Variants in ABCD2 observed in about 807,000 individuals in gnomAD.
ABCD2 encodes ATP-binding cassette sub-family D member 2.
Under a neutral mutation model 70.9 loss-of-function variants are expected in ABCD2, and 36 were observed. The observed-to-expected ratio is 0.51, with a 90% CI of 0.39 to 0.67. The LOEUF (loss-of-function observed/expected upper bound fraction) is 0.67. ABCD2 is among the 30% of genes least tolerant of loss of function. ABCD2 has a pLI of 0.00. For synonymous variants in ABCD2, 304 were observed against 306.9 expected, an observed-to-expected ratio of 0.99 and a Z score of 0.10; for missense variants, 729 against 890.2, an observed-to-expected ratio of 0.82 and a Z score of 2.30.
intron 2 of ABCD2, among the ~76,000 whole-genome samples, chr12:39,611,877 A>G (rs1032669919): frequency 6.6e-6 from 1 of 152,154 alleles, no homozygotes; most frequent in African/African-American, 2.4e-5. Context: ...CATAATACAT[A>G]AAAGCTTTTA....
the ABCD2 span, among the ~76,000 whole-genome samples, chr12:39,537,711 G>A: frequency 2.0e-5 from 3 of 152,244 alleles, no homozygotes; most frequent in African/African-American, 7.2e-5. Context: ...ACAACCAAAA[G>A]TCCAGTCTTT....
rs1942157724 is a variant in ABCD2, at chr12:39,619,155, G to C, written c.461C>G (p.Ala154Gly). 1.2e-6 allele frequency: 2 copies of C among 1,614,040 alleles called. No homozygotes were observed. The highest frequency in any genetic ancestry group is 2.7e-5 in the African/African-American group (2 of 74,902). ...IIKLIKWLMI[A>G]IPATFVNSAI... is the part of the protein sequence containing the mutation. ...ACTGTTGACGAAGGTAGCAGGGATG[G>C]CAATCATAAGCCACTTGATTAATTT... The change falls in exon 1 of 10, where the codon GCC becomes GGC. Residue 154 changes from alanine (A) to glycine (G), a missense_variant. Transcript: ENST00000308666.
At position 39,604,843 on chromosome 12, in the gene ABCD2, C is replaced by A; in HGVS notation, c.1324G>T (p.Ala442Ser). 6.2e-7 allele frequency: 1 copy of A among 1,612,502 alleles called. No homozygotes were observed. The change falls in exon 4 of 10, where the codon GCT becomes TCT. Residue 442 changes from alanine to serine, a missense_variant. Coordinates refer to ENST00000308666, the MANE Select transcript of ABCD2 (RefSeq NM_005164.4). Reference protein sequence around the residue: ...EVKRGIYKRTAVIQESESHSK... With the variant: ...EVKRGIYKRTSVIQESESHSK... The stretch of plus-strand genomic sequence containing the variant: ...TGGCTTTCAGATTCTTGAATGACAG[C>A]AGTTCTCTTATAAATGCCTCTTTTT...
chr12:39,579,086 TCACGGTGGCTCACGCCTGTAATCC>T (rs1941560338), intron 8 of ABCD2, among the ~76,000 whole-genome samples: 1 of 152,134 alleles, frequency 6.6e-6, no homozygotes, highest in Non-Finnish European at 1.5e-5. Context: ...ATTTGGCCAG[TCACGGTGGCTCACGCCTGTAATCC>T]CAGCACTTTG....
the ABCD2 span, among the ~76,000 whole-genome samples, chr12:39,540,101 C>T: frequency 1.3e-5 from 2 of 152,168 alleles, no homozygotes; most frequent in East Asian, 1.9e-4. Flanking sequence ...ACCTAACAGC[C>T]GGCCATCCAG....
In ABCD2 at chr12:39,586,486, A is replaced by C. The variant is rs377607578; in HGVS notation, c.1647-189T>G. 3.3e-5 allele frequency among the ~76,000 whole-genome samples: 5 copies of C among 152,302 alleles called. No individual in the cohort carries two copies. In the South Asian group the frequency reaches 1.0e-3, roughly 32 times the overall value. On this transcript the variant is annotated intron_variant, in intron 6 of 9. Coordinates refer to ENST00000308666, the MANE Select transcript of ABCD2 (RefSeq NM_005164.4). ...ACAATACCGTTATGTTTACATAAAA[A>C]CTTACTGACACATGGACACAAGAAA...
chr12:39,616,105 C>G (rs1481627383), intron 2 of ABCD2, among the ~76,000 whole-genome samples: 1 of 152,052 alleles, frequency 6.6e-6, no homozygotes, highest in Non-Finnish European at 1.5e-5. Flanking sequence ...AGAGGGGGAA[C>G]CAAAAGTTGA....
intron 8 of ABCD2, among the ~76,000 whole-genome samples, chr12:39,575,839 C>T (rs779853307): frequency 1.3e-5 from 2 of 152,298 alleles, no homozygotes; most frequent in African/African-American, 2.4e-5. Flanking sequence ...CACTGATATA[C>T]TTGTGACTTA....
At chr12:39,605,504 T>C (rs1451104174) in intron 3 of ABCD2, among the ~76,000 whole-genome samples, 2 of 152,084 alleles carry the variant, frequency 1.3e-5, no homozygotes, top group East Asian at 3.9e-4. Context: ...CAAACATGAT[T>C]TATATGCCCA....
intron 9 of ABCD2, among the ~76,000 whole-genome samples, chr12:39,559,232 C>G (rs765054663): frequency 6.6e-6 from 1 of 151,514 alleles, no homozygotes; most frequent in African/African-American, 2.4e-5. Context: ...ATTAGCCCAG[C>G]GTGGTGGTGT....
the ABCD2 span, among the ~76,000 whole-genome samples, chr12:39,542,911 G>C: frequency 4.5e-4 from 68 of 152,258 alleles, no homozygotes; most frequent in African/African-American, 1.6e-3. Flanking sequence ...TGTACAGAGT[G>C]GAACAGTGAG....
In ABCD2 at chr12:39,586,276, A is replaced by T. The variant is rs773655555; in HGVS notation, c.1668T>A (p.Ser556Arg). The change falls in exon 7 of 10, where the codon AGT (serine) becomes AGA (arginine). Residue 556 changes from serine to arginine, a missense_variant. Ser to Arg is a moderately radical substitution (Grantham distance 110). Transcript: ENST00000308666. ...CAGGGTAAATGACTTGATCCCGAAG[A>T]CTTCCAAGAGACATATATGGCCTTT... The part of the protein sequence containing the change: ...IPQRPYMSLG[S>R]LRDQVIYPDS... The T allele has an allele frequency of 6.2e-7, 1 of 1,612,816 alleles. No homozygotes were observed. The highest frequency in any genetic ancestry group is 8.5e-7 in the Non-Finnish European group (1 of 1,179,474).
intron 6 of ABCD2, among the ~76,000 whole-genome samples, chr12:39,587,104 G>C (rs1467650971): frequency 6.6e-6 from 1 of 152,082 alleles, no homozygotes; most frequent in Non-Finnish European, 1.5e-5. Context: ...TACAAAAAAA[G>C]ATGCATGAGG....
chr12:39,560,402 G>A (rs1037026294), intron 9 of ABCD2, among the ~76,000 whole-genome samples: 6 of 152,050 alleles, frequency 3.9e-5, no homozygotes, highest in Non-Finnish European at 8.8e-5. Context: ...TCTTAATCCA[G>A]TCTATCATTG....
intron 5 of ABCD2, 77 bp from the exon 6 acceptor site, chr12:39,600,793 T>G: frequency 1.5e-6 from 2 of 1,350,254 alleles, no homozygotes; most frequent in South Asian, 1.4e-5. Context: ...GTAAATTATT[T>G]TTTTAAAATG....
intron 3 of ABCD2, 28 bp from the exon 4 acceptor site, chr12:39,604,958 G>A: frequency 6.6e-7 from 1 of 1,517,672 alleles, no homozygotes; most frequent in Non-Finnish European, 8.8e-7. Context: ...ATATAAAATA[G>A]AGTTACTATA....
intron 7 of ABCD2, among the ~76,000 whole-genome samples, chr12:39,581,897 G>C (rs1002541060): frequency 3.3e-4 from 50 of 152,116 alleles, no homozygotes; most frequent in African/African-American, 1.2e-3. Flanking sequence ...TGATTTTCCT[G>C]CTTCCTAGAG....
chr12:39,531,124 G>A, the ABCD2 span, among the ~76,000 whole-genome samples: 26 of 152,204 alleles, frequency 1.7e-4, no homozygotes, highest in Admixed American at 9.2e-4. Flanking sequence ...GGATACCGCC[G>A]TGAACAAAAC....
intron 9 of ABCD2, among the ~76,000 whole-genome samples, chr12:39,557,633 G>T (rs1279909334): frequency 2.6e-5 from 4 of 152,060 alleles, no homozygotes; most frequent in Non-Finnish European, 2.9e-5. Flanking sequence ...GGTAAAAATG[G>T]TTTCCTGGGC....
Sources: allele counts gnomAD v4.1 joint callset (sites outside exome capture counted in the v4.1 genomes callset), GRCh38; gene constraint gnomAD v4.1.1; transcripts MANE v1.5; gene names NCBI Gene and HGNC (gene_info 2026-07-23, HGNC 2026-07-21).